The following KPNA3 variants were observed in gnomAD, a reference collection of about 807,000 sequenced individuals.
The protein encoded by KPNA3 is karyopherin subunit alpha 3, also known as importin subunit alpha-4.
Under a neutral mutation model 73.8 loss-of-function variants are expected in KPNA3, and 13 were observed. The observed-to-expected ratio is 0.18, with a 90% CI of 0.11 to 0.28. The LOEUF is 0.28. KPNA3 is among the 10% of genes least tolerant of loss of function. The pLI is 1.00. For synonymous variants in KPNA3, 186 were observed against 206.9 expected (o/e 0.90, Z 0.87); for missense variants, 360 against 618.1 (o/e 0.58, Z 4.43).
intron 2 of KPNA3, among the ~76,000 whole-genome samples, chr13:49,736,216 C>T (rs1033479397): frequency 3.3e-5 from 5 of 152,068 alleles, no homozygotes; most frequent in Non-Finnish European, 7.4e-5. Flanking sequence ...GGAAAATATA[C>T]TCAATGAAAA....
intron 1 of KPNA3, among the ~76,000 whole-genome samples, chr13:49,750,821 A>G (rs890465672): frequency 2.0e-5 from 3 of 151,974 alleles, no homozygotes; most frequent in East Asian, 1.9e-4. Flanking sequence ...GTGAAACCCC[A>G]TCTCTACTAA....
chr13:49,753,657 AGGT>A (rs1490853768), intron 1 of KPNA3, among the ~76,000 whole-genome samples: 1 of 152,232 alleles, frequency 6.6e-6, no homozygotes, highest in Non-Finnish European at 1.5e-5. Flanking sequence ...CAGCAGCAGG[AGGT>A]GAGCATTATG....
intron 1 of KPNA3, among the ~76,000 whole-genome samples, chr13:49,782,606 C>T (rs1954949766): frequency 6.6e-6 from 1 of 152,048 alleles, no homozygotes; most frequent in African/African-American, 2.4e-5. Flanking sequence ...AGGCTGCGCG[C>T]GGTGGCTCAT....
At chr13:49,742,947 C>T (rs575552834) in intron 2 of KPNA3, among the ~76,000 whole-genome samples, 32 of 152,054 alleles carry the variant, frequency 2.1e-4, no homozygotes, top group African/African-American at 7.0e-4. Context: ...AAATTTAATT[C>T]GTGAATATCA....
intron 2 of KPNA3, among the ~76,000 whole-genome samples, chr13:49,738,010 T>C (rs1954540350): frequency 6.6e-6 from 1 of 152,220 alleles, no homozygotes; most frequent in African/African-American, 2.4e-5. Flanking sequence ...GAAAATTCTC[T>C]ATGTTTTTTC....
At chr13:49,737,176 AT>A (rs570600616) in intron 2 of KPNA3, among the ~76,000 whole-genome samples, 193 of 152,318 alleles carry the variant, frequency 1.3e-3, no homozygotes, top group Non-Finnish European at 2.0e-3. Flanking sequence ...GCATGTACAG[AT>A]TTCATATGAA....
chr13:49,722,425 T>C (rs564801047), intron 8 of KPNA3, 52 bp downstream of exon 8: 2 of 1,248,676 alleles, frequency 1.6e-6, no homozygotes, highest in East Asian at 2.3e-5. Flanking sequence ...TATGCCAATG[T>C]AGGAAAAAAG....
chr13:49,782,164 C>T (rs563558817), intron 1 of KPNA3, among the ~76,000 whole-genome samples: 26 of 152,144 alleles, frequency 1.7e-4, no homozygotes, highest in Non-Finnish European at 2.8e-4. Context: ...CATAAGATAG[C>T]CAATGGCAGA....
chr13:49,775,685 T>TA (rs1167746641), intron 1 of KPNA3, among the ~76,000 whole-genome samples: 1 of 152,202 alleles, frequency 6.6e-6, no homozygotes, highest in Admixed American at 6.5e-5. Flanking sequence ...CCTTTACTCT[T>TA]ACTAAACTAT....
intron 1 of KPNA3, among the ~76,000 whole-genome samples, chr13:49,771,434 T>C (rs144074819): frequency 2.8e-4 from 42 of 152,300 alleles, no homozygotes; most frequent in African/African-American, 9.6e-4. Context: ...ATTTTATTCT[T>C]TGTAATGCTG....
At chr13:49,732,494 T>C in intron 5 of KPNA3, 28 bp from the exon 6 acceptor site, 1 of 1,487,830 alleles carries the variant, frequency 6.7e-7, no homozygotes, top group Non-Finnish European at 9.3e-7. Flanking sequence ...AGAAATTAAT[T>C]GCTATAATTT....
intron 1 of KPNA3, among the ~76,000 whole-genome samples, chr13:49,748,565 G>A (rs1000761596): frequency 1.8e-4 from 27 of 151,750 alleles, no homozygotes; most frequent in Admixed American, 1.6e-3. Context: ...AAACCACAGT[G>A]ATCTTCTTAA....
At chr13:49,735,267 C>T (rs1954511675) in intron 2 of KPNA3, among the ~76,000 whole-genome samples, 1 of 152,168 alleles carries the variant, frequency 6.6e-6, no homozygotes, top group East Asian at 1.9e-4. Flanking sequence ...GGATTACAGG[C>T]ATGCGCCTCC....
intron 9 of KPNA3, among the ~76,000 whole-genome samples, chr13:49,720,143 T>C (rs1954341459): frequency 6.6e-6 from 1 of 152,102 alleles, no homozygotes; most frequent in Non-Finnish European, 1.5e-5. Context: ...GTGGAAAAAA[T>C]GGAGATGCAA....
chr13:49,782,354 C>T (rs1954947446), intron 1 of KPNA3, among the ~76,000 whole-genome samples: 1 of 152,196 alleles, frequency 6.6e-6, no homozygotes, highest in African/African-American at 2.4e-5. Context: ...AGACCTACCT[C>T]AAGTATGACC....
chr13:49,780,870 G>A (rs557553588), intron 1 of KPNA3, among the ~76,000 whole-genome samples: 8 of 151,834 alleles, frequency 5.3e-5, no homozygotes, highest in South Asian at 2.1e-4. Context: ...ACAGGTGCAC[G>A]CCACCACACC....
chr13:49,713,634 AACACACACACACACACACACAC>A (rs66994650), intron 10 of KPNA3, among the ~76,000 whole-genome samples: 3 of 140,830 alleles, frequency 2.1e-5, no homozygotes, highest in East Asian at 2.2e-4. Flanking sequence ...TCTTAGGTGA[AACACACACACACACACACACAC>A]ACACACACAC....
intron 1 of KPNA3, among the ~76,000 whole-genome samples, chr13:49,791,132 G>T (rs1955029618): frequency 6.6e-6 from 1 of 152,182 alleles, no homozygotes; most frequent in Non-Finnish European, 1.5e-5. Context: ...TTTCCTACTA[G>T]TATTTAATTT....
intron 1 of KPNA3, among the ~76,000 whole-genome samples, chr13:49,774,709 C>A (rs1954882509): frequency 6.6e-6 from 1 of 152,220 alleles, no homozygotes; most frequent in South Asian, 2.1e-4. Flanking sequence ...CATGTCCTCA[C>A]ATAATGTCAT....
Sources: allele counts gnomAD v4.1 joint callset (sites outside exome capture counted in the v4.1 genomes callset), GRCh38; gene constraint gnomAD v4.1.1; transcripts MANE v1.5; gene names NCBI Gene and HGNC (gene_info 2026-07-23, HGNC 2026-07-21).